Variants in SVEP1 observed in about 807,000 individuals in gnomAD.
SVEP1 encodes the protein sushi, von Willebrand factor type A, EGF and pentraxin domain containing 1.
SVEP1 carries 164 observed loss-of-function variants against 367.3 expected under a neutral mutation model. The ratio of observed to expected loss-of-function variants is 0.45; its 90% CI spans 0.39 to 0.51. SVEP1 has a LOEUF of 0.51. SVEP1 is among the 20% of genes least tolerant of loss of function. SVEP1 has a pLI of 0.00. For missense variants in SVEP1, 4,117 were observed against 4,425.3 expected (o/e 0.93, Z 1.98); for synonymous variants, 1,666 against 1,611.6 (o/e 1.03, Z -0.81).
At chr9:110,427,923 A>T (rs76191498) in intron 35 of SVEP1, among the ~76,000 whole-genome samples, 165 bp from the exon 36 acceptor site, 2,892 of 152,368 alleles carry the variant, frequency 0.019, 35 homozygotes, top group Middle Eastern at 0.031. Context: ...AGAGAAATCT[A>T]AACAAGCTAT....
intron 40 of SVEP1, among the ~76,000 whole-genome samples, chr9:110,393,536 G>A (rs1248829497): frequency 5.3e-5 from 8 of 152,176 alleles, no homozygotes; most frequent in Non-Finnish European, 1.0e-4. Context: ...AGTGCACTGT[G>A]CACAAGCCAA....
Position 110,406,849 on chromosome 9 carries a change from A to G in SVEP1, c.8751T>C (p.Cys2917=). The change falls in exon 38 of 48, where the codon TGT becomes TGC. Residue 2917 remains cysteine (C), a synonymous_variant. Transcript: ENST00000374469. ...CACCGTGCAAGATGTAGCCCTCGTG[A>G]CAGTGGAATGTTACTTCCTTCATGA... ...YGFMKEVTFH[C]HEGYILHGAP... is the part of the protein sequence containing the mutation. 2 of 1,613,968 alleles carry G rather than the reference A, an allele frequency of 1.2e-6. No individual in the cohort carries two copies. Among genetic ancestry groups the G allele is most frequent in the Non-Finnish European group, 1.7e-6 (2 of 1,179,882 alleles).
intron 3 of SVEP1, 56 bp downstream of exon 3, chr9:110,546,059 T>C: frequency 6.5e-7 from 1 of 1,534,146 alleles, no homozygotes; most frequent in East Asian, 2.5e-5. Context: ...CATTGCATTT[T>C]AGAATCATTT....
chr9:110,439,296 A>G (rs1048045681), intron 27 of SVEP1, among the ~76,000 whole-genome samples: 12 of 152,222 alleles, frequency 7.9e-5, no homozygotes, highest in Non-Finnish European at 1.5e-5. Context: ...GCTGTCTACA[A>G]GCCAGGAAGG....
chr9:110,443,808 TC>T, intron 26 of SVEP1, 88 bp from the exon 27 acceptor site: 1 of 1,215,162 alleles, frequency 8.2e-7, no homozygotes, highest in Non-Finnish European at 1.1e-6. Flanking sequence ...TTCTTCTTTT[TC>T]TTTTTTTGTG....
chr9:110,394,662 C>T (rs939870460), intron 40 of SVEP1, among the ~76,000 whole-genome samples: 14 of 152,266 alleles, frequency 9.2e-5, no homozygotes, highest in Admixed American at 3.9e-4. Flanking sequence ...CTTAAAGGAC[C>T]TGATGGAGCT....
At chr9:110,539,637 A>AT in intron 3 of SVEP1, among the ~76,000 whole-genome samples, 1 of 151,058 alleles carries the variant, frequency 6.6e-6, no homozygotes, top group Non-Finnish European at 1.5e-5. Context: ...ACATATATGT[A>AT]TGTGTTACAT....
At position 110,502,510 on chromosome 9, in the gene SVEP1, T is replaced by C. The variant is rs149109750; in HGVS notation, c.1483+528A>G. ...TTCTCCTGCATCCATTCTCCCTTTA[T>C]AGTTCTTTTTCATTTACTTAAACAA... On this transcript the variant is annotated intron_variant, in intron 6 of 47. Transcript: ENST00000374469. Among the ~76,000 whole-genome samples, 183 of 152,316 alleles carry C rather than the reference T, an allele frequency of 1.2e-3. 3 individuals are homozygous for C. The Middle Eastern group carries it at 0.031, about 25-fold the overall frequency.
chr9:110,534,542 A>G (rs1327880480), intron 3 of SVEP1, among the ~76,000 whole-genome samples: 5 of 152,318 alleles, frequency 3.3e-5, no homozygotes, highest in Non-Finnish European at 7.3e-5. Context: ...GTATGTGCCC[A>G]GTAACAGGAT....
chr9:110,375,484 AAAAAAAG>A (rs1448215407), intron 45 of SVEP1, 21 bp from the exon 46 acceptor site: 4 of 1,502,182 alleles, frequency 2.7e-6, no homozygotes, highest in African/African-American at 2.8e-5. Context: ...AAAAAAAAAA[AAAAAAAG>A]GAGGCAGGGG....
chr9:110,578,510 A>G (rs888465072), intron 1 of SVEP1, among the ~76,000 whole-genome samples: 4 of 152,234 alleles, frequency 2.6e-5, no homozygotes, highest in Non-Finnish European at 5.9e-5. Flanking sequence ...ACACTTTACA[A>G]AAGTCCGACA....
At chr9:110,438,168 A>G (rs1020840074) in intron 27 of SVEP1, among the ~76,000 whole-genome samples, 2 of 136,050 alleles carry the variant, frequency 1.5e-5, no homozygotes, top group African/African-American at 2.7e-5. Flanking sequence ...GAGTTTTAGT[A>G]GTTATGCTAT....
In SVEP1 at chr9:110,471,404, G is replaced by A; in HGVS notation, c.2958C>T (p.Pro986=). 1 of 1,614,008 alleles carries A rather than the reference G, an allele frequency of 6.2e-7. No individual in the cohort carries two copies. Among genetic ancestry groups the A allele is most frequent in the Non-Finnish European group, 8.5e-7 (1 of 1,179,898 alleles). ...SNSLETKKAS[P]FCRPGSVLRG... is the part of the protein sequence containing the mutation. ...TCAGCACTGAGCCTGGTCTGCAGAAGGGGGAAGCCTTTTTTGTTTCTAATG... is the reference window on the plus strand; with the variant it reads ...TCAGCACTGAGCCTGGTCTGCAGAAAGGGGAAGCCTTTTTTGTTTCTAATG... Residue 986 remains proline, a synonymous_variant, in exon 16 of 48, where the codon CCC becomes CCT. Coordinates refer to ENST00000374469, the MANE Select transcript of SVEP1 (RefSeq NM_153366.4).
chr9:110,431,668 T>C (rs896036429), intron 32 of SVEP1, among the ~76,000 whole-genome samples: 1 of 152,208 alleles, frequency 6.6e-6, no homozygotes, highest in African/African-American at 2.4e-5. Flanking sequence ...GTTTCAACAT[T>C]GTAGAATCAT....
intron 3 of SVEP1, among the ~76,000 whole-genome samples, chr9:110,520,594 TA>T (rs1411027691): frequency 6.6e-6 from 1 of 152,172 alleles, no homozygotes; most frequent in Non-Finnish European, 1.5e-5. Context: ...CTGAAGTAAA[TA>T]AAAACACCAA....
chr9:110,404,469 G>C lies in SVEP1; in HGVS notation c.9524C>G (p.Ser3175Cys). The change falls in exon 39 of 48, where the codon TCC becomes TGC. Residue 3175 changes from serine to cysteine, a missense_variant. By Grantham distance (112) the Ser-to-Cys change is moderately radical. Transcript: ENST00000374469. ...KDGRWFPERI[S>C]CSPKKCPLPE... ...GAGAGGACATTTTTTAGGACTGCAG[G>C]AGATTCTCTCAGGGAACCAGCGACC... 3 of 1,613,984 alleles carry C rather than the reference G, an allele frequency of 1.9e-6. No homozygotes were observed. The highest frequency in any genetic ancestry group is 2.5e-6 in the Non-Finnish European group (3 of 1,179,888).
intron 8 of SVEP1, among the ~76,000 whole-genome samples, chr9:110,494,543 A>T (rs1277436132): frequency 6.6e-6 from 1 of 152,206 alleles, no homozygotes; most frequent in African/African-American, 2.4e-5. Flanking sequence ...TCAGTTACAC[A>T]ATTATAGTTT....
rs1828334444 is a variant in SVEP1, at chr9:110,430,462, C to A, written c.5354-12G>T. 1.2e-6 allele frequency: 2 copies of A among 1,600,352 alleles called. No homozygotes were observed. The highest frequency in any genetic ancestry group is 2.7e-5 in the African/African-American group (2 of 74,796). The stretch of plus-strand genomic sequence containing the variant: ...ACATTTTATAGGTTCTAGAAACAGA[C>A]AGTTTTGGTGGAATAATAAGTGGCT... On this transcript the variant is annotated splice_polypyrimidine_tract_variant and intron_variant, in intron 32 of 47. Coordinates refer to ENST00000374469, the MANE Select transcript of SVEP1 (RefSeq NM_153366.4).
At chr9:110,523,300 AC>A (rs1210118971) in intron 3 of SVEP1, among the ~76,000 whole-genome samples, 2 of 152,026 alleles carry the variant, frequency 1.3e-5, no homozygotes, top group African/African-American at 4.8e-5. Flanking sequence ...AAATCCTGTC[AC>A]CCCCACAACT....
Sources: gnomAD v4.1 joint callset for allele counts (sites outside exome capture counted in the v4.1 genomes callset) on GRCh38, gnomAD v4.1.1 for gene constraint, MANE v1.5 for transcripts, NCBI Gene and HGNC (gene_info 2026-07-23, HGNC 2026-07-21) for gene names.